SGMS1: variants seen among roughly 807,000 people sequenced by gnomAD.
SGMS1 encodes phosphatidylcholine:ceramide cholinephosphotransferase 1.
A neutral mutation model predicts 46.2 loss-of-function variants in SGMS1; 13 were observed. The observed-to-expected ratio is 0.28, with a 90% CI of 0.18 to 0.45. SGMS1 has a LOEUF of 0.45. SGMS1 is among the 20% of genes least tolerant of loss of function. The pLI is 1.00. For synonymous variants in SGMS1, 203 were observed against 187.8 expected (o/e 1.08, Z -0.66); for missense variants, 324 against 519.9 (o/e 0.62, Z 3.66).
intron 5 of SGMS1, among the ~76,000 whole-genome samples, chr10:50,441,673 C>A (rs1224570045): frequency 6.6e-6 from 1 of 152,158 alleles, no homozygotes; most frequent in East Asian, 1.9e-4. Context: ...CTTTCTTTAC[C>A]ACGTATAACC....
chr10:50,507,659 A>C (rs1228211046), intron 3 of SGMS1, among the ~76,000 whole-genome samples: 1 of 152,148 alleles, frequency 6.6e-6, no homozygotes, highest in African/African-American at 2.4e-5. Flanking sequence ...TTACCATAGA[A>C]TCCAACCACC....
At chr10:50,592,172 G>A (rs1461072446) in intron 1 of SGMS1, among the ~76,000 whole-genome samples, 2 of 152,136 alleles carry the variant, frequency 1.3e-5, no homozygotes, top group Non-Finnish European at 2.9e-5. Context: ...AAGAAGTTAT[G>A]CCAAGAGCCA....
chr10:50,337,303 A>G (rs949793776), intron 7 of SGMS1, among the ~76,000 whole-genome samples: 2 of 152,188 alleles, frequency 1.3e-5, no homozygotes, highest in African/African-American at 4.8e-5. Flanking sequence ...GTAAATAACT[A>G]AACATAAAAA....
intron 3 of SGMS1, among the ~76,000 whole-genome samples, chr10:50,484,714 A>G (rs1242663072): frequency 6.6e-6 from 1 of 152,232 alleles, no homozygotes; most frequent in African/African-American, 2.4e-5. Context: ...AGCTGGCTTC[A>G]TCCCTGGAAT....
At chr10:50,382,097 C>T (rs1454623955) in intron 6 of SGMS1, among the ~76,000 whole-genome samples, 6 of 152,026 alleles carry the variant, frequency 3.9e-5, no homozygotes, top group Non-Finnish European at 1.5e-5. Context: ...TTGATATACA[C>T]ATATATCTCT....
chr10:50,390,475 G>A (rs1848750955), intron 6 of SGMS1, among the ~76,000 whole-genome samples: 1 of 152,170 alleles, frequency 6.6e-6, no homozygotes, highest in African/African-American at 2.4e-5. Flanking sequence ...TCAATAGAAT[G>A]TTCATGTCAG....
chr10:50,335,175 G>A (rs568648952), intron 7 of SGMS1: 1 of 152,336 alleles, frequency 6.6e-6, no homozygotes, highest in South Asian at 2.1e-4. Flanking sequence ...GCCAGCAATA[G>A]ATGTGGTGAG....
chr10:50,488,242 G>A (rs979689132), intron 3 of SGMS1, among the ~76,000 whole-genome samples: 4 of 151,962 alleles, frequency 2.6e-5, no homozygotes, highest in Admixed American at 6.6e-5. Flanking sequence ...TCGAATTCCT[G>A]ACTTCAAATG....
chr10:50,463,873 C>G (rs1837297554), intron 4 of SGMS1, among the ~76,000 whole-genome samples: 1 of 152,156 alleles, frequency 6.6e-6, no homozygotes, highest in Admixed American at 6.5e-5. Flanking sequence ...TATACTGCAA[C>G]ATGGATGAAC....
chr10:50,369,235 C>T (rs917875521), intron 6 of SGMS1, among the ~76,000 whole-genome samples: 9 of 152,228 alleles, frequency 5.9e-5, no homozygotes, highest in East Asian at 1.9e-4. Context: ...CAGTGGCTCA[C>T]ATCTGTAATC....
chr10:50,476,186 G>A (rs1372835453), intron 3 of SGMS1, among the ~76,000 whole-genome samples: 4 of 149,924 alleles, frequency 2.7e-5, no homozygotes, highest in African/African-American at 9.8e-5. Flanking sequence ...AGGCAGGAGA[G>A]TCATTTGAAC....
At chr10:50,512,928 A>G (rs1036933964) in intron 3 of SGMS1, among the ~76,000 whole-genome samples, 6 of 152,154 alleles carry the variant, frequency 3.9e-5, no homozygotes, top group African/African-American at 1.4e-4. Flanking sequence ...CTTACCCACT[A>G]CAAGTCTTGA....
rs1847184839 is a variant in SGMS1, at chr10:50,306,609, C to G, written c.*533G>C. 1 of 152,668 alleles carries G rather than the reference C, an allele frequency of 6.6e-6. No homozygotes were observed. The highest frequency in any genetic ancestry group is 6.6e-5 in the Admixed American group (1 of 15,266). The allele number at this position is 152,668 out of a possible 1,614,324, so 9.5% of individuals were successfully genotyped here. ...GCTGATTTTACAAAACCCAAAGTTA[C>G]CAAACCTTTCTGTGTCTATCATTTT... On this transcript the variant is annotated 3_prime_UTR_variant, in exon 11 of 11. Coordinates refer to ENST00000361781, the MANE Select transcript of SGMS1 (RefSeq NM_147156.4).
At chr10:50,624,319 G>A (rs1322863692), upstream of SGMS1, among the ~76,000 whole-genome samples, 1 of 152,144 alleles carries the variant, frequency 6.6e-6, no homozygotes, top group African/African-American at 2.4e-5. Context: ...AACTCAGCCT[G>A]CTGGAAGCCA....
intron 2 of SGMS1, among the ~76,000 whole-genome samples, chr10:50,579,971 G>A (rs1046036302): frequency 6.6e-6 from 1 of 152,172 alleles, no homozygotes; most frequent in South Asian, 2.1e-4. Context: ...AGCTGATATG[G>A]CTTAAAATAT....
intron 2 of SGMS1, among the ~76,000 whole-genome samples, chr10:50,541,099 C>T (rs1042625574): frequency 2.0e-5 from 3 of 152,182 alleles, no homozygotes; most frequent in Non-Finnish European, 4.4e-5. Context: ...GACCAACCAG[C>T]GTTGGAGACC....
chr10:50,355,458 G>A (rs540319959), intron 6 of SGMS1, among the ~76,000 whole-genome samples: 10 of 152,292 alleles, frequency 6.6e-5, no homozygotes, highest in African/African-American at 1.9e-4. Context: ...TGTTTTTGGT[G>A]GAGACAGGGT....
intron 1 of SGMS1, among the ~76,000 whole-genome samples, chr10:50,619,541 G>C (rs761253969): frequency 4.6e-5 from 7 of 152,214 alleles, no homozygotes; most frequent in Non-Finnish European, 8.8e-5. Context: ...AGGGGCCTGG[G>C]GGGTGCTGGG....
chr10:50,479,700 A>G (rs986514500), intron 3 of SGMS1, among the ~76,000 whole-genome samples: 2 of 152,200 alleles, frequency 1.3e-5, no homozygotes, highest in African/African-American at 4.8e-5. Flanking sequence ...AAAAGCACTT[A>G]CATTTTGAAA....
Sources: allele counts gnomAD v4.1 joint callset (sites outside exome capture counted in the v4.1 genomes callset), GRCh38; gene constraint gnomAD v4.1.1; transcripts MANE v1.5; gene names NCBI Gene and HGNC (gene_info 2026-07-23, HGNC 2026-07-21).